Variants in WNK4 observed in about 807,000 individuals in gnomAD.
The protein encoded by WNK4 is serine/threonine-protein kinase WNK4.
In WNK4, 94 loss-of-function variants were observed where a neutral mutation model predicts 116.2. That is an observed-to-expected ratio of 0.81 (90% CI 0.68 to 0.96). WNK4 has a LOEUF of 0.96. Ranked by LOEUF, WNK4 falls within the 40% of genes least tolerant of loss-of-function variation. The pLI, the probability that WNK4 is intolerant of heterozygous loss-of-function variation, is 0.00. For missense variants in WNK4, 1,542 were observed against 1,650.6 expected (o/e 0.93, Z 1.14); for synonymous variants, 655 against 672.7 (o/e 0.97, Z 0.41).
chr17:42,786,693 G>A (rs1411018398), intron 6 of WNK4, among the ~76,000 whole-genome samples: 1 of 152,126 alleles, frequency 6.6e-6, no homozygotes, highest in Non-Finnish European at 1.5e-5. Flanking sequence ...GTGCCTGGCC[G>A]AGTATGGGAT....
rs2054647387 is a variant in WNK4 at position 42,794,943 on chromosome 17, C to G, written c.2522C>G (p.Ser841Cys). The change falls in exon 14 of 19, where the codon TCC becomes TGC. Residue 841 changes from serine (S) to cysteine (C), a missense_variant. By Grantham distance (112) the Ser-to-Cys change is moderately radical. This residue lies in a region of WNK4 where 808 missense variants were observed against 873.6 expected (regional missense o/e 0.92). Transcript: ENST00000246914. ...TCTCCCCCATGTCATCCCAGCCCCT[C>G]CCCATTCTCCCCCATTTCTTCCCAG... is the stretch of plus-strand genomic sequence containing the variant. Reference protein sequence around the residue: ...ITSPPCHPSPSPFSPISSQVS... With the variant: ...ITSPPCHPSPCPFSPISSQVS... 28 of 1,611,472 alleles carry G rather than the reference C, an allele frequency of 1.7e-5. No homozygotes were observed. The highest frequency in any genetic ancestry group is 2.4e-5 in the Non-Finnish European group (28 of 1,178,668).
Position 42,788,384 on chromosome 17 carries a change from C to T in WNK4, c.2017C>T (p.Arg673Ter), listed in dbSNP as rs749704694. 1.2e-5 allele frequency: 20 copies of T among 1,612,848 alleles called. 1 individual carries two copies. Among genetic ancestry groups the T allele is most frequent in the South Asian group, 8.8e-5 (8 of 91,024 alleles). Residue 673 changes from arginine to a stop codon, truncating the protein, a stop_gained, in exon 10 of 19, where the codon CGA becomes TGA. Coordinates refer to ENST00000246914, the MANE Select transcript of WNK4 (RefSeq NM_032387.5). LOFTEE classifies it high-confidence loss of function. Reference sequence around the variant, plus strand: ...AGGGAGGAATCTCCGGCGCAGACCCCGATCCCGGCTGCGGGTCACTAGTGT... The same window carrying T: ...AGGGAGGAATCTCCGGCGCAGACCCTGATCCCGGCTGCGGGTCACTAGTGT... ...PPGRNLRRRP[R>*]SRLRVTSVSD...
rs199890441 is a variant in WNK4, at chr17:42,793,591, G to A, written c.2158-1G>A. The A allele has an allele frequency of 6.2e-7, 1 of 1,613,836 alleles. No homozygotes were observed. The highest frequency in any genetic ancestry group is 1.3e-5 in the African/African-American group (1 of 75,028). ...CTCCCCATCCTGTTGACCCTCGCAA[G>A]GTATATAACGAGTTCATTCTGCCTT... is the stretch of plus-strand genomic sequence containing the variant. On this transcript the variant is annotated splice_acceptor_variant, in intron 11 of 18. Transcript: ENST00000246914. LOFTEE classifies it high-confidence loss of function.
Position 42,795,848 on chromosome 17 carries a change from TGGAGTTGAG to T in WNK4, c.3248_3256del (p.Gly1083_Glu1085del). On this transcript the variant is annotated inframe_deletion, in exon 16 of 19. Transcript: ENST00000246914. The stretch of plus-strand genomic sequence containing the variant: ...ACCGTGCAGCTGAGGGTCTGGGGGC[TGGAGTTGAG>T]GAGGAAGGAGATGATGGGAAGGAAC... 6.2e-7 allele frequency: 1 copy of T among 1,613,542 alleles called. No homozygotes were observed. The highest frequency in any genetic ancestry group is 8.5e-7 in the Non-Finnish European group (1 of 1,179,880).
intron 11 of WNK4, among the ~76,000 whole-genome samples, chr17:42,792,714 C>T (rs1207697880): frequency 6.6e-6 from 1 of 152,200 alleles, no homozygotes; most frequent in East Asian, 1.9e-4. Flanking sequence ...CTTGTATTCC[C>T]ACAGTACCCA....
intron 2 of WNK4, among the ~76,000 whole-genome samples, chr17:42,783,261 GC>G (rs1469884755): frequency 2.6e-5 from 4 of 152,126 alleles, no homozygotes; most frequent in Non-Finnish European, 4.4e-5. Context: ...CTGGAGCCCT[GC>G]AGCAGCCTCC....
chr17:42,788,803 G>A lies in WNK4; in HGVS notation c.2157+6G>A. 1 of 1,609,378 alleles carries A rather than the reference G, an allele frequency of 6.2e-7. No homozygotes were observed. On this transcript the variant is annotated splice_donor_region_variant and intron_variant, in intron 11 of 18. Transcript: ENST00000246914. ...AAGAGATTGCAGCTGCCATGGTGAG[G>A]GGGAGAGAGATGAGGACAGAGTGTT...
chr17:42,788,289 G>A lies in WNK4; in HGVS notation c.1923-1G>A. The stretch of plus-strand genomic sequence containing the variant: ...CATTCTCTCTCCTTTCTCTTTAACA[G>A]CTATGCCTCAGATGCAGCTTCAGGC... On this transcript the variant is annotated splice_acceptor_variant, in intron 9 of 18. Coordinates refer to ENST00000246914, the MANE Select transcript of WNK4 (RefSeq NM_032387.5). LOFTEE classifies it high-confidence loss of function. 1.2e-6 allele frequency: 2 copies of A among 1,614,050 alleles called. No homozygotes were observed. The highest frequency in any genetic ancestry group is 1.7e-6 in the Non-Finnish European group (2 of 1,179,974).
rs149389156 is a variant in WNK4 at position 42,793,641 on chromosome 17, G to A, written c.2207G>A (p.Arg736Gln). 680 of 1,614,048 alleles carry A rather than the reference G, an allele frequency of 4.2e-4. 2 individuals are homozygous for A. The highest frequency in any genetic ancestry group is 2.3e-4 in the Non-Finnish European group (277 of 1,179,998). Residue 736 changes from arginine (R) to glutamine (Q), a missense_variant, in exon 12 of 19, where the codon CGG (arginine) becomes CAG (glutamine). Physicochemically the swap from Arg to Gln is conservative, Grantham distance 43. Transcript: ENST00000246914. ...LPSERDGFLR[R>Q]IREIIQRVET... ...TCGGAGCGAGATGGATTTCTCAGAC[G>A]GATTCGGGAGATTATCCAGCGAGTG... is the stretch of plus-strand genomic sequence containing the variant.
In WNK4 at chr17:42,781,051, C is replaced by T; in HGVS notation, c.353C>T (p.Ala118Val). ...TGGACCGAGGGAGCCCCTGTGAAGG[C>T]TGCGGAAGACTCCGCGCGTCCCGAG... ...GTWTEGAPVK[A>V]AEDSARPELP... Residue 118 changes from alanine to valine, a missense_variant, in exon 1 of 19, where the codon GCT becomes GTT. Transcript: ENST00000246914. 1.9e-6 allele frequency: 3 copies of T among 1,611,578 alleles called. No homozygotes were observed. The highest frequency in any genetic ancestry group is 2.5e-6 in the Non-Finnish European group (3 of 1,179,570).
At chr17:42,793,119 G>A (rs1453360439) in intron 11 of WNK4, among the ~76,000 whole-genome samples, 1 of 152,138 alleles carries the variant, frequency 6.6e-6, no homozygotes, top group African/African-American at 2.4e-5. Flanking sequence ...TTTCCTTCTA[G>A]GCTGTATTTC....
chr17:42,788,506 T>A, intron 10 of WNK4, 99 bp downstream of exon 10: 1 of 1,303,730 alleles, frequency 7.7e-7, no homozygotes, highest in South Asian at 1.2e-5. Context: ...GGAGAAGCAG[T>A]GTATGACTAG....
intron 11 of WNK4, among the ~76,000 whole-genome samples, chr17:42,789,533 G>A (rs564094980): frequency 7.2e-5 from 11 of 152,008 alleles, no homozygotes; most frequent in South Asian, 6.2e-4. Context: ...GTGTGGTGGC[G>A]CATGCCTGTA....
chr17:42,785,971 C>T (rs2054545513), intron 6 of WNK4, among the ~76,000 whole-genome samples: 1 of 152,136 alleles, frequency 6.6e-6, no homozygotes, highest in African/African-American at 2.4e-5. Context: ...CTATAAACTC[C>T]CTGAGGGCAG....
At position 42,781,260 on chromosome 17, in the gene WNK4, G is replaced by GC; in HGVS notation, c.562_563insC (p.Val188AlafsTer17). On this transcript the variant is annotated frameshift_variant, in exon 1 of 19. Transcript: ENST00000246914. LOFTEE classifies it high-confidence loss of function. The stretch of plus-strand genomic sequence containing the variant: ...GATTGGACGTGGCTCCTTCAAGACG[G>GC]TGTATCGAGGGCTAGACACCGACAC... The GC allele has an allele frequency of 2.5e-6, 4 of 1,614,230 alleles. No homozygotes were observed. Among genetic ancestry groups the GC allele is most frequent in the Non-Finnish European group, 3.4e-6 (4 of 1,180,038 alleles).
rs201740310 is a variant in WNK4 at position 42,796,443 on chromosome 17, C to A, written c.3632-38C>A. On this transcript the variant is annotated intron_variant, in intron 17 of 18. Transcript: ENST00000246914. ...GACCCCCTCTCCCCACCTCCCCTTT[C>A]CTCACTTAGTGCTCTCCTTCCCCCA... 1.8e-4 allele frequency: 292 copies of A among 1,613,220 alleles called. 3 individuals carry two copies. The East Asian group carries it at 6.5e-3, about 36-fold the overall frequency.
intron 2 of WNK4, 199 bp from the exon 3 acceptor site, chr17:42,783,738 C>T (rs1159953812): frequency 1.1e-5 from 7 of 618,306 alleles, no homozygotes; most frequent in South Asian, 7.7e-5. Flanking sequence ...CTTCCCAACC[C>T]GTTTGGTAAC....
chr17:42,787,595 C>A, intron 7 of WNK4, 53 bp downstream of exon 7: 1 of 1,609,156 alleles, frequency 6.2e-7, no homozygotes, highest in Non-Finnish European at 8.5e-7. Context: ...TGGCCTCTGC[C>A]CCCTACCCAG....
rs2054480377 is a variant in WNK4 at position 42,781,268 on chromosome 17, A to T, written c.570A>T (p.Arg190=). 1.2e-6 allele frequency: 2 copies of T among 1,614,110 alleles called. No individual in the cohort carries two copies. Among genetic ancestry groups the T allele is most frequent in the Non-Finnish European group, 1.7e-6 (2 of 1,180,006 alleles). ...IGRGSFKTVY[R]GLDTDTTVEV... The stretch of plus-strand genomic sequence containing the variant: ...GTGGCTCCTTCAAGACGGTGTATCG[A>T]GGGCTAGACACCGACACCACAGTGG... The change falls in exon 1 of 19, where the codon CGA becomes CGT. Residue 190 remains arginine, a synonymous_variant. Transcript: ENST00000246914.
Sources: allele counts gnomAD v4.1 joint callset (sites outside exome capture counted in the v4.1 genomes callset), GRCh38; gene constraint gnomAD v4.1.1; regional missense constraint gnomAD v4.1.1; transcripts MANE v1.5; gene names NCBI Gene and HGNC (gene_info 2026-07-23, HGNC 2026-07-21).